POLA1: variants seen among roughly 807,000 people sequenced by gnomAD.
POLA1 encodes DNA polymerase alpha 1, catalytic subunit.
A neutral mutation model predicts 124.0 loss-of-function variants in POLA1; 15 were observed. That is an observed-to-expected ratio of 0.12 (90% CI 0.08 to 0.19). The LOEUF is 0.19. Ranked by LOEUF, POLA1 falls within the 10% of genes least tolerant of loss-of-function variation. The pLI is 1.00. For synonymous variants in POLA1, 408 were observed against 389.4 expected (o/e 1.05, Z -0.56); for missense variants, 886 against 1,103.4 (o/e 0.80, Z 2.79).
intron 10 of POLA1, among the ~76,000 whole-genome samples, chrX:24,722,113 A>G (rs1930238804): frequency 8.9e-6 from 1 of 111,895 alleles, no homozygotes; most frequent in South Asian, 3.7e-4. Flanking sequence ...GTCACTGATG[A>G]GTAGTCTTTC....
At chrX:24,817,661 T>G (rs1034330501) in intron 30 of POLA1, among the ~76,000 whole-genome samples, 3 of 110,244 alleles carry the variant, frequency 2.7e-5, no homozygotes, top group Non-Finnish European at 5.7e-5. Context: ...CCATTATTCT[T>G]AACTTTCATT....
At chrX:24,976,158 T>C (rs1324865107) in intron 36 of POLA1, among the ~76,000 whole-genome samples, 1 of 112,406 alleles carries the variant, frequency 8.9e-6, no homozygotes, top group African/African-American at 3.2e-5. Context: ...AGCTGTGGGC[T>C]TTAGTTGACT....
intron 36 of POLA1, among the ~76,000 whole-genome samples, chrX:24,977,280 C>T (rs1224418400): frequency 8.9e-6 from 1 of 112,243 alleles, no homozygotes; most frequent in Non-Finnish European, 1.9e-5. Flanking sequence ...GTCCTTAATT[C>T]ACCCTCATAC....
chrX:24,920,430 A>G (rs61271751), intron 35 of POLA1, among the ~76,000 whole-genome samples: 1,218 of 111,304 alleles, frequency 0.011, 18 homozygotes, highest in African/African-American at 0.038. Flanking sequence ...ACATCATTGT[A>G]GCCTGTGTGA....
chrX:24,994,529 G>A (rs767155295), intron 36 of POLA1, among the ~76,000 whole-genome samples: 1 of 112,271 alleles, frequency 8.9e-6, no homozygotes, highest in East Asian at 2.8e-4. Context: ...AGCATCTTAT[G>A]GGGGCGGAGG....
chrX:24,789,969 A>G (rs1031843349), intron 26 of POLA1, among the ~76,000 whole-genome samples: 2 of 112,277 alleles, frequency 1.8e-5, no homozygotes, highest in Non-Finnish European at 3.8e-5. Context: ...AAAAAAGCTC[A>G]TTATTTTGCA....
chrX:24,882,744 T>A (rs2047019335), intron 34 of POLA1, among the ~76,000 whole-genome samples: 2 of 107,924 alleles, frequency 1.9e-5, no homozygotes, highest in South Asian at 8.6e-4. Context: ...ATTTTCTTTA[T>A]CCAGTCCATT....
chrX:24,857,052 C>G (rs1358826731), intron 34 of POLA1, among the ~76,000 whole-genome samples: 2 of 111,485 alleles, frequency 1.8e-5, no homozygotes, highest in Non-Finnish European at 3.8e-5. Context: ...GATCTCATGA[C>G]TAAGAACTCA....
At chrX:24,871,001 A>G (rs1035226326) in intron 34 of POLA1, among the ~76,000 whole-genome samples, 2 of 111,864 alleles carry the variant, frequency 1.8e-5, no homozygotes, top group African/African-American at 6.5e-5. Context: ...CGTAGCAACC[A>G]AAGTATTCAG....
chrX:24,959,463 C>CAA lies in POLA1; in HGVS notation c.4261+28928_4261+28929dup, dbSNP rs370136898. ...TGGGTGACAGAGCAAGACTCCATCT[C>CAA]AAAAAAAAAAAAAAAGGATCTGTAA... On this transcript the variant is annotated intron_variant, in intron 36 of 36. Coordinates refer to ENST00000379068, the MANE Select transcript of POLA1 (RefSeq NM_001330360.2). Among the ~76,000 whole-genome samples the CAA allele has an allele frequency of 1.3e-3, 107 of 84,894 alleles. 2 individuals are homozygous for CAA. Among genetic ancestry groups the CAA allele is most frequent in the Non-Finnish European group, 3.5e-4 (15 of 42,432 alleles). The allele number at this position is 84,894 out of a possible 115,157, so 73.7% of individuals were successfully genotyped here.
chrX:24,801,169 T>G (rs2045698469), intron 26 of POLA1, among the ~76,000 whole-genome samples: 1 of 112,111 alleles, frequency 8.9e-6, no homozygotes, highest in African/African-American at 3.2e-5. Flanking sequence ...GAATATTTGT[T>G]TATATAACAT....
At chrX:24,927,126 C>T (rs1224141750) in intron 35 of POLA1, among the ~76,000 whole-genome samples, 1 of 110,595 alleles carries the variant, frequency 9.0e-6, no homozygotes, top group East Asian at 2.8e-4. Flanking sequence ...GTGTGAGCCA[C>T]CACACCCAGC....
At chrX:24,841,885 C>G (rs777691825) in intron 33 of POLA1, 55 bp downstream of exon 33, 60 of 883,407 alleles carry the variant, frequency 6.8e-5, no homozygotes, top group Non-Finnish European at 9.8e-5. Flanking sequence ...GGCCTTACCC[C>G]CTTCCCCCAC....
chrX:24,932,160 A>G (rs2047792815), intron 36 of POLA1, among the ~76,000 whole-genome samples: 1 of 112,769 alleles, frequency 8.9e-6, no homozygotes. Flanking sequence ...CAGCCTCCCA[A>G]AGTGCTGGGA....
chrX:24,973,979 G>C (rs1369483397), intron 36 of POLA1, among the ~76,000 whole-genome samples: 1 of 108,492 alleles, frequency 9.2e-6, no homozygotes, highest in African/African-American at 3.4e-5. Flanking sequence ...GTTCATACTT[G>C]TTTTCTTTTT....
At chrX:24,988,170 G>GTTTT (rs2048498438) in intron 36 of POLA1, among the ~76,000 whole-genome samples, 1 of 112,474 alleles carries the variant, frequency 8.9e-6, no homozygotes, top group Non-Finnish European at 1.9e-5. Flanking sequence ...GTGCCTATTT[G>GTTTT]CATATTTCTA....
intron 35 of POLA1, among the ~76,000 whole-genome samples, chrX:24,915,038 T>C (rs1384099974): frequency 8.9e-6 from 1 of 111,999 alleles, no homozygotes; most frequent in Non-Finnish European, 1.9e-5. Context: ...TATTTTGCAT[T>C]CACAAATGTT....
At position 24,885,003 on chromosome X, in the gene POLA1, G is replaced by A. The variant is rs756475438; in HGVS notation, c.4048-3003G>A. On this transcript the variant is annotated intron_variant, in intron 34 of 36. Coordinates refer to ENST00000379068, the MANE Select transcript of POLA1 (RefSeq NM_001330360.2). ...GGTGAGATGATAACTTAGCATGTCC[G>A]TGGTTGGCAGCTCCCCCAGGGAGTT... 5.3e-5 allele frequency among the ~76,000 whole-genome samples: 6 copies of A among 112,269 alleles called. No homozygotes were observed. The South Asian group carries it at 1.1e-3, about 21-fold the overall frequency.
chrX:24,984,745 C>T (rs2048461470), intron 36 of POLA1, among the ~76,000 whole-genome samples: 2 of 104,958 alleles, frequency 1.9e-5, no homozygotes, highest in Non-Finnish European at 3.9e-5. Context: ...CTGCAAGCTC[C>T]GCCTCCCGGG....
Sources: allele counts gnomAD v4.1 joint callset (sites outside exome capture counted in the v4.1 genomes callset), GRCh38; gene constraint gnomAD v4.1.1; transcripts MANE v1.5; gene names NCBI Gene and HGNC (gene_info 2026-07-23, HGNC 2026-07-21).